Variants in STAG1 observed in about 807,000 individuals in gnomAD.
STAG1 encodes STAG1 cohesin complex component.
In STAG1, 26 loss-of-function variants were observed where a neutral mutation model predicts 170.9. The ratio of observed to expected loss-of-function variants is 0.15; its 90% CI spans 0.11 to 0.21. The LOEUF is 0.21. Ranked by LOEUF, STAG1 falls within the 10% of genes least tolerant of loss-of-function variation. The pLI is 1.00. For missense variants in STAG1, 964 were observed against 1,509.5 expected (o/e 0.64, Z 5.99); for synonymous variants, 514 against 497.7 (o/e 1.03, Z -0.44).
chr3:136,549,930 C>T (rs1359176313), intron 5 of STAG1, among the ~76,000 whole-genome samples: 1 of 152,050 alleles, frequency 6.6e-6, no homozygotes, highest in Admixed American at 6.5e-5. Context: ...ACTGAGATGA[C>T]CAAGTGATTT....
rs114276454 is a variant in STAG1, at chr3:136,707,361, T to G, written c.-84+44834A>C. Among the ~76,000 whole-genome samples, 996 of 152,038 alleles carry G rather than the reference T, an allele frequency of 6.6e-3. 10 individuals are homozygous for G. Among genetic ancestry groups the G allele is most frequent in the African/African-American group, 0.023 (967 of 41,450 alleles). On this transcript the variant is annotated intron_variant, in intron 1 of 33. Transcript: ENST00000383202. ...AACAACAAAAGACAAACAATCCAATTTACAAATGGGCAAAGGACTTGAAAA... is the reference window on the plus strand; with the variant it reads ...AACAACAAAAGACAAACAATCCAATGTACAAATGGGCAAAGGACTTGAAAA...
intron 19 of STAG1, 128 bp downstream of exon 19, chr3:136,422,282 C>T: frequency 1.3e-6 from 1 of 763,610 alleles, no homozygotes; most frequent in South Asian, 2.0e-5. Context: ...AATAAGGTTG[C>T]TAAGTTTTGG....
intron 1 of STAG1, among the ~76,000 whole-genome samples, chr3:136,635,393 G>A (rs1212091888): frequency 7.2e-5 from 11 of 152,030 alleles, no homozygotes. Flanking sequence ...AAAGACAAAG[G>A]AAAAGCACTT....
chr3:136,550,683 T>A (rs1936345680), intron 5 of STAG1, among the ~76,000 whole-genome samples: 1 of 152,194 alleles, frequency 6.6e-6, no homozygotes, highest in Non-Finnish European at 1.5e-5. Context: ...TTCTAGATTA[T>A]CCAATTTATT....
intron 6 of STAG1, among the ~76,000 whole-genome samples, chr3:136,537,066 G>C (rs1011572945): frequency 6.6e-6 from 1 of 151,956 alleles, no homozygotes; most frequent in Non-Finnish European, 1.5e-5. Flanking sequence ...ACAATTTCTG[G>C]AGTCATCCCA....
intron 12 of STAG1, among the ~76,000 whole-genome samples, chr3:136,471,232 T>TA (rs1266531621): frequency 1.3e-5 from 2 of 152,048 alleles, no homozygotes; most frequent in Admixed American, 6.6e-5. Context: ...TACTTCTCTT[T>TA]AAAAAAGATG....
At chr3:136,515,190 C>A (rs1364065685) in intron 7 of STAG1, among the ~76,000 whole-genome samples, 1 of 152,082 alleles carries the variant, frequency 6.6e-6, no homozygotes, top group Non-Finnish European at 1.5e-5. Flanking sequence ...CATGATAAAA[C>A]CCCGTCTCTC....
At chr3:136,685,318 AAAAC>A (rs142305961) in intron 1 of STAG1, among the ~76,000 whole-genome samples, 7,655 of 151,742 alleles carry the variant, frequency 0.05, 381 homozygotes, top group African/African-American at 0.13. Flanking sequence ...TTCCTCTCCA[AAAAC>A]AAACAAACAA....
chr3:136,603,622 C>T (rs1379727542), intron 4 of STAG1, among the ~76,000 whole-genome samples: 22 of 152,122 alleles, frequency 1.4e-4, no homozygotes, highest in Admixed American at 1.4e-3. Flanking sequence ...CGGTGGCTCA[C>T]GCCTGTAATC....
intron 5 of STAG1, among the ~76,000 whole-genome samples, chr3:136,551,744 C>CAG (rs10672579): frequency 0.16 from 24,249 of 151,858 alleles, 2,189 homozygotes; most frequent in Middle Eastern, 0.23. Context: ...CCTGGGACTA[C>CAG]AGGCACACAC....
At chr3:136,597,304 G>C (rs1553752038) in intron 4 of STAG1, among the ~76,000 whole-genome samples, 1 of 152,076 alleles carries the variant, frequency 6.6e-6, no homozygotes, top group African/African-American at 2.4e-5. Context: ...AGAAAAGAAA[G>C]AAGGGAAAAA....
intron 22 of STAG1, among the ~76,000 whole-genome samples, chr3:136,383,125 TAGTA>T (rs1331367877): frequency 6.6e-6 from 1 of 152,220 alleles, no homozygotes; most frequent in Admixed American, 6.5e-5. Flanking sequence ...GGTCATGTGA[TAGTA>T]AGTATCTATA....
chr3:136,716,920 C>A (rs1315217237), intron 1 of STAG1, among the ~76,000 whole-genome samples: 1 of 152,178 alleles, frequency 6.6e-6, no homozygotes, highest in Non-Finnish European at 1.5e-5. Context: ...GTGAGGATAA[C>A]AATACATATC....
chr3:136,652,944 C>G (rs1190203288), intron 1 of STAG1, among the ~76,000 whole-genome samples: 1 of 151,976 alleles, frequency 6.6e-6, no homozygotes, highest in African/African-American at 2.4e-5. Flanking sequence ...GCCAAATGTC[C>G]CACGGAGGAA....
chr3:136,427,619 A>G (rs554616337), intron 16 of STAG1, among the ~76,000 whole-genome samples: 2 of 151,888 alleles, frequency 1.3e-5, no homozygotes, highest in South Asian at 2.1e-4. Context: ...ACAGTTGCCC[A>G]CCATTTCAAG....
chr3:136,511,435 G>C (rs957336993), intron 7 of STAG1, among the ~76,000 whole-genome samples: 4 of 152,198 alleles, frequency 2.6e-5, no homozygotes, highest in African/African-American at 9.7e-5. Context: ...AGAAAATGTG[G>C]TACATATACA....
chr3:136,625,914 G>A (rs770253502), intron 2 of STAG1, among the ~76,000 whole-genome samples: 19 of 152,176 alleles, frequency 1.2e-4, no homozygotes, highest in Non-Finnish European at 2.1e-4. Flanking sequence ...AAGACTGGGC[G>A]CAGTGGCTCA....
chr3:136,750,873 A>C (rs1935190715), intron 1 of STAG1, among the ~76,000 whole-genome samples: 1 of 152,246 alleles, frequency 6.6e-6, no homozygotes, highest in Non-Finnish European at 1.5e-5. Flanking sequence ...AGAACAAGGT[A>C]CGTTACATTA....
At chr3:136,655,784 G>A (rs1014491902) in intron 1 of STAG1, among the ~76,000 whole-genome samples, 8 of 151,424 alleles carry the variant, frequency 5.3e-5, no homozygotes, top group African/African-American at 1.9e-4. Flanking sequence ...AATCCAGAAA[G>A]TAACAAGTAG....
Sources: allele counts gnomAD v4.1 joint callset (sites outside exome capture counted in the v4.1 genomes callset), GRCh38; gene constraint gnomAD v4.1.1; transcripts MANE v1.5; gene names NCBI Gene and HGNC (gene_info 2026-07-23, HGNC 2026-07-21).